MAGI2: variants seen among roughly 807,000 people sequenced by gnomAD.
MAGI2 encodes membrane associated guanylate kinase, WW and PDZ domain containing 2.
A neutral mutation model predicts 133.3 loss-of-function variants in MAGI2; 35 were observed. The observed-to-expected ratio is 0.26, with a 90% CI of 0.20 to 0.35. The LOEUF (loss-of-function observed/expected upper bound fraction) is 0.35. MAGI2 is among the 10% of genes least tolerant of loss of function. The probability of loss-of-function intolerance (pLI) is 1.00; values close to 1 mark genes in which losing one functional copy is unlikely to be tolerated. For missense variants in MAGI2, 1,636 were observed against 1,863.4 expected, an observed-to-expected ratio of 0.88 and a Z score of 2.25; for synonymous variants, 729 against 710.6, an observed-to-expected ratio of 1.03 and a Z score of -0.41.
chr7:78,274,015 A>C (rs1273981860), intron 9 of MAGI2, among the ~76,000 whole-genome samples: 2 of 152,038 alleles, frequency 1.3e-5, no homozygotes, highest in Non-Finnish European at 2.9e-5. Context: ...GAGAAGAGGC[A>C]TTCTGGTTTT....
chr7:78,801,591 GA>G (rs751400220), intron 2 of MAGI2, among the ~76,000 whole-genome samples: 18 of 135,324 alleles, frequency 1.3e-4, no homozygotes, highest in Non-Finnish European at 2.8e-4. Context: ...TTAATAGCAT[GA>G]AACCCAAATA....
At chr7:79,332,051 A>C (rs1209531486) in intron 1 of MAGI2, among the ~76,000 whole-genome samples, 2 of 152,160 alleles carry the variant, frequency 1.3e-5, no homozygotes, top group Non-Finnish European at 2.9e-5. Flanking sequence ...GGGCTGCATT[A>C]AACCTTTAAC....
At chr7:79,294,327 C>T (rs937198750) in intron 1 of MAGI2, among the ~76,000 whole-genome samples, 1 of 151,490 alleles carries the variant, frequency 6.6e-6, no homozygotes, top group Admixed American at 6.6e-5. Context: ...TAGAAGGGTG[C>T]GAAAAATAGA....
At chr7:78,386,405 T>C (rs952590975) in intron 6 of MAGI2, among the ~76,000 whole-genome samples, 1 of 152,152 alleles carries the variant, frequency 6.6e-6, no homozygotes, top group African/African-American at 2.4e-5. Context: ...CTGCAAAATA[T>C]AAAGGGACCT....
intron 21 of MAGI2, among the ~76,000 whole-genome samples, chr7:78,023,749 T>C (rs1808643151): frequency 6.6e-6 from 1 of 152,254 alleles, no homozygotes; most frequent in Non-Finnish European, 1.5e-5. Context: ...TCCAGAGGAC[T>C]CTGTATTCAA....
chr7:79,259,760 A>C (rs1411502136), intron 1 of MAGI2, among the ~76,000 whole-genome samples: 1 of 152,108 alleles, frequency 6.6e-6, no homozygotes, highest in African/African-American at 2.4e-5. Flanking sequence ...ACTGCTGAAA[A>C]CCGAAAAAGT....
At chr7:78,945,178 C>T (rs1801317569) in intron 2 of MAGI2, among the ~76,000 whole-genome samples, 1 of 152,016 alleles carries the variant, frequency 6.6e-6, no homozygotes, top group African/African-American at 2.4e-5. Flanking sequence ...TCTCCTGCTT[C>T]AGCCTCCCAA....
chr7:79,402,526 G>C (rs1845537789), intron 1 of MAGI2, among the ~76,000 whole-genome samples: 1 of 152,060 alleles, frequency 6.6e-6, no homozygotes, highest in African/African-American at 2.4e-5. Context: ...GAGAGGGTAA[G>C]GTAATTTATT....
At chr7:79,291,695 T>A (rs184057333) in intron 1 of MAGI2, among the ~76,000 whole-genome samples, 118 of 152,346 alleles carry the variant, frequency 7.7e-4, no homozygotes, top group African/African-American at 2.6e-3. Context: ...ACATGCTCAT[T>A]GGATCTGTAT....
intron 1 of MAGI2, among the ~76,000 whole-genome samples, chr7:79,435,308 G>T (rs1848059690): frequency 6.6e-6 from 1 of 152,160 alleles, no homozygotes; most frequent in Non-Finnish European, 1.5e-5. Flanking sequence ...CATTATGCCA[G>T]GTATTAGGGA....
At chr7:78,852,354 G>T (rs1421064542) in intron 2 of MAGI2, among the ~76,000 whole-genome samples, 1 of 151,806 alleles carries the variant, frequency 6.6e-6, no homozygotes, top group Non-Finnish European at 1.5e-5. Flanking sequence ...GTTTTCTCAT[G>T]ATTTTTTTCA....
At chr7:78,805,810 T>C (rs962278328) in intron 2 of MAGI2, among the ~76,000 whole-genome samples, 75 of 152,132 alleles carry the variant, frequency 4.9e-4, no homozygotes, top group Non-Finnish European at 1.0e-4. Flanking sequence ...CAGCAGGGAA[T>C]GGAGGTCTCC....
chr7:78,618,805 G>C (rs1807386088), intron 3 of MAGI2: 1 of 151,422 alleles, frequency 6.6e-6, no homozygotes. Context: ...CTTACATCTG[G>C]AATCAAAAAA....
chr7:79,346,123 A>C (rs954195578), intron 1 of MAGI2, among the ~76,000 whole-genome samples: 1 of 152,002 alleles, frequency 6.6e-6, no homozygotes, highest in Non-Finnish European at 1.5e-5. Flanking sequence ...AATATCCAAC[A>C]CTTAGATTTT....
intron 20 of MAGI2, among the ~76,000 whole-genome samples, chr7:78,113,588 A>G (rs539878171): frequency 6.6e-6 from 1 of 152,340 alleles, no homozygotes; most frequent in Admixed American, 6.5e-5. Flanking sequence ...ATTCAGTACA[A>G]TAACATGCTG....
At chr7:78,387,648 CG>C (rs1433224636) in intron 6 of MAGI2, among the ~76,000 whole-genome samples, 1 of 152,066 alleles carries the variant, frequency 6.6e-6, no homozygotes, top group Non-Finnish European at 1.5e-5. Context: ...AAAAATAGAC[CG>C]GATGTAGTGT....
intron 16 of MAGI2, among the ~76,000 whole-genome samples, chr7:78,151,486 C>T (rs1479143405): frequency 1.7e-4 from 26 of 152,150 alleles, no homozygotes. Context: ...AAGGCCACTG[C>T]CTGGCCCTTC....
chr7:78,669,119 A>C (rs1188436412), intron 2 of MAGI2, among the ~76,000 whole-genome samples: 1 of 152,184 alleles, frequency 6.6e-6, no homozygotes, highest in Non-Finnish European at 1.5e-5. Flanking sequence ...TCAAAAAATT[A>C]ATGAATCCAG....
intron 3 of MAGI2, among the ~76,000 whole-genome samples, chr7:78,609,092 G>A (rs540800121): frequency 3.9e-5 from 6 of 152,236 alleles, no homozygotes; most frequent in African/African-American, 1.2e-4. Flanking sequence ...ACATTTTCAC[G>A]TTTTTCTGCC....
Sources: allele counts gnomAD v4.1 joint callset (sites outside exome capture counted in the v4.1 genomes callset), GRCh38; gene constraint gnomAD v4.1.1; transcripts MANE v1.5; gene names NCBI Gene and HGNC (gene_info 2026-07-23, HGNC 2026-07-21).